OPHN1: variants seen among roughly 807,000 people sequenced by gnomAD.
OPHN1 encodes oligophrenin 1.
In OPHN1, 11 loss-of-function variants were observed where a neutral mutation model predicts 60.7. That is an observed-to-expected ratio of 0.18 (90% CI 0.11 to 0.30). OPHN1 has a LOEUF of 0.30. Ranked by LOEUF, OPHN1 falls within the 10% of genes least tolerant of loss-of-function variation. OPHN1 has a pLI of 1.00. For missense variants in OPHN1, 449 were observed against 611.0 expected (o/e 0.73, Z 2.80); for synonymous variants, 226 against 222.6 (o/e 1.02, Z -0.14).
At chrX:68,098,638 C>T (rs2077046521) in intron 18 of OPHN1, among the ~76,000 whole-genome samples, 1 of 111,931 alleles carries the variant, frequency 8.9e-6, no homozygotes, top group African/African-American at 3.3e-5. Context: ...TATTGCTGGG[C>T]TGGTGATGTG....
chrX:68,090,242 CTGTGTG>C (rs10549357), intron 19 of OPHN1, among the ~76,000 whole-genome samples: 29 of 98,153 alleles, frequency 3.0e-4, no homozygotes, highest in African/African-American at 8.5e-4. Context: ...GTGTGTGTGT[CTGTGTG>C]TGTGTGTGTG....
rs369550566 is a variant in OPHN1, at chrX:68,400,892, G to A, written c.154+31975C>T. Among the ~76,000 whole-genome samples, 4 of 111,661 alleles carry A rather than the reference G, an allele frequency of 3.6e-5. No homozygotes were observed. The East Asian group carries it at 1.1e-3, about 32-fold the overall frequency. On this transcript the variant is annotated intron_variant, in intron 2 of 24. Coordinates refer to ENST00000355520, the MANE Select transcript of OPHN1 (RefSeq NM_002547.3). ...GCTGGTATTACAAGTGTGAGCCACT[G>A]CACCTGGCCAGGCATGTCTTTTGTT...
At chrX:68,385,116 G>C (rs937387276) in intron 2 of OPHN1, among the ~76,000 whole-genome samples, 1 of 111,446 alleles carries the variant, frequency 9.0e-6, no homozygotes, top group Non-Finnish European at 1.9e-5. Context: ...AAAATATATT[G>C]GGAGAAAGGA....
chrX:68,257,589 T>C (rs2077870420), intron 5 of OPHN1, among the ~76,000 whole-genome samples: 1 of 111,583 alleles, frequency 9.0e-6, no homozygotes, highest in Admixed American at 9.5e-5. Flanking sequence ...AAAAAAAATA[T>C]TAGCTCCCTT....
chrX:68,174,469 CTT>C lies in OPHN1; in HGVS notation c.1276+18448_1276+18449del, dbSNP rs767690922. On this transcript the variant is annotated intron_variant, in intron 15 of 24. Coordinates refer to ENST00000355520, the MANE Select transcript of OPHN1 (RefSeq NM_002547.3). ...GGAATGTTTAGTTTATTAACTTATT[CTT>C]TTTTTTTTTTTTTTTTTTGAGACAG... is the stretch of plus-strand genomic sequence containing the variant. 3.4e-3 allele frequency among the ~76,000 whole-genome samples: 261 copies of C among 76,296 alleles called. 2 individuals carry two copies. The highest frequency in any genetic ancestry group is 0.013 in the African/African-American group (257 of 19,581). The allele number at this position is 76,296 out of a possible 115,157, so 66.3% of individuals were successfully genotyped here.
chrX:68,151,410 C>A (rs2077284886), intron 15 of OPHN1, among the ~76,000 whole-genome samples: 1 of 111,940 alleles, frequency 8.9e-6, no homozygotes, highest in Admixed American at 9.5e-5. Context: ...GGCTGAAAGA[C>A]ATATCGAGAC....
chrX:68,105,823 A>G (rs1290748113), intron 18 of OPHN1, among the ~76,000 whole-genome samples: 2 of 109,821 alleles, frequency 1.8e-5, no homozygotes, highest in African/African-American at 3.3e-5. Context: ...AATAATAGAA[A>G]CAAGCACTGT....
intron 6 of OPHN1, among the ~76,000 whole-genome samples, chrX:68,227,868 A>C (rs1482903171): frequency 9.0e-6 from 1 of 110,958 alleles, no homozygotes; most frequent in Admixed American, 9.7e-5. Context: ...GAGCAAACAC[A>C]TTCAAAAGCT....
At chrX:68,381,941 A>G (rs968106252) in intron 2 of OPHN1, among the ~76,000 whole-genome samples, 2 of 111,927 alleles carry the variant, frequency 1.8e-5, no homozygotes, top group African/African-American at 6.5e-5. Context: ...TGACTCAGTG[A>G]CCTGTTTATG....
intron 2 of OPHN1, among the ~76,000 whole-genome samples, chrX:68,344,926 C>A (rs2078372062): frequency 9.0e-6 from 1 of 111,499 alleles, no homozygotes; most frequent in African/African-American, 3.3e-5. Context: ...TCAGTACTTT[C>A]TTTGCACCAA....
chrX:68,352,673 A>G (rs963869847), intron 2 of OPHN1, among the ~76,000 whole-genome samples: 1 of 112,314 alleles, frequency 8.9e-6, no homozygotes, highest in Non-Finnish European at 1.9e-5. Flanking sequence ...AAACTAAAGC[A>G]CAAAATCCTT....
chrX:68,068,786 G>A (rs1569202130), intron 20 of OPHN1, among the ~76,000 whole-genome samples: 1 of 112,001 alleles, frequency 8.9e-6, no homozygotes, highest in Non-Finnish European at 1.9e-5. Context: ...TCTACAATGT[G>A]GATGAACCTT....
intron 2 of OPHN1, among the ~76,000 whole-genome samples, chrX:68,421,479 C>T (rs1363337510): frequency 1.8e-5 from 2 of 111,439 alleles, no homozygotes; most frequent in African/African-American, 6.5e-5. Context: ...TTTTTCTGTA[C>T]TCAACAAAAG....
intron 5 of OPHN1, among the ~76,000 whole-genome samples, chrX:68,238,202 T>A (rs2077762182): frequency 8.9e-6 from 1 of 111,774 alleles, no homozygotes; most frequent in Admixed American, 9.6e-5. Flanking sequence ...AGATTCATTA[T>A]TCCTATAATC....
At chrX:68,209,496 T>C (rs781300166) in intron 9 of OPHN1, among the ~76,000 whole-genome samples, 33 of 110,706 alleles carry the variant, frequency 3.0e-4, no homozygotes, top group Non-Finnish European at 4.2e-4. Flanking sequence ...AGCCCAGGAG[T>C]ATGAGGCTGT....
chrX:68,315,345 T>C (rs1018228171), intron 2 of OPHN1, among the ~76,000 whole-genome samples: 2 of 111,244 alleles, frequency 1.8e-5, no homozygotes, highest in Non-Finnish European at 3.8e-5. Flanking sequence ...GAAAGAAACA[T>C]ACTCATCTCG....
chrX:68,169,224 G>A (rs1455079281), intron 15 of OPHN1, among the ~76,000 whole-genome samples: 1 of 111,029 alleles, frequency 9.0e-6, no homozygotes, highest in Non-Finnish European at 1.9e-5. Context: ...AACTTACAAG[G>A]GACGTGAAGG....
At chrX:68,317,352 A>AAAGAAAGAAAGG (rs1192322280) in intron 2 of OPHN1, among the ~76,000 whole-genome samples, 1 of 59,030 alleles carries the variant, frequency 1.7e-5, no homozygotes, top group South Asian at 9.8e-4. Context: ...AGAAAGAAAG[A>AAAGAAAGAAAGG]AAGAAAGAAA....
At chrX:68,099,043 T>C (rs1234374393) in intron 18 of OPHN1, among the ~76,000 whole-genome samples, 1 of 111,526 alleles carries the variant, frequency 9.0e-6, no homozygotes, top group Non-Finnish European at 1.9e-5. Context: ...AACTCATATG[T>C]GAGCTCTTCT....
Sources: gnomAD v4.1 joint callset for allele counts (sites outside exome capture counted in the v4.1 genomes callset) on GRCh38, gnomAD v4.1.1 for gene constraint, MANE v1.5 for transcripts, NCBI Gene and HGNC (gene_info 2026-07-23, HGNC 2026-07-21) for gene names.